PI4K2B: variants seen among roughly 807,000 people sequenced by gnomAD.
PI4K2B encodes phosphatidylinositol 4-kinase type 2-beta.
PI4K2B carries 46 observed loss-of-function variants against 56.6 expected under a neutral mutation model. That is an observed-to-expected ratio of 0.81 (90% CI 0.64 to 1.04). The LOEUF (loss-of-function observed/expected upper bound fraction) is 1.04. Ranked by LOEUF, PI4K2B falls within the 50% of genes least tolerant of loss-of-function variation. The pLI is 0.00. For missense variants in PI4K2B, 556 were observed against 607.7 expected (o/e 0.91, Z 0.89); for synonymous variants, 211 against 223.8 (o/e 0.94, Z 0.51).
intron 9 of PI4K2B, among the ~76,000 whole-genome samples, chr4:25,272,841 C>T (rs924446409): frequency 1.3e-5 from 2 of 150,600 alleles, no homozygotes; most frequent in African/African-American, 4.9e-5. Flanking sequence ...CCAGCCTGGG[C>T]AACAGAGAAA....
Position 25,278,889 on chromosome 4 carries a change from A to C in PI4K2B, c.*1702A>C, listed in dbSNP as rs1004070425. 1 of 152,634 alleles carries C rather than the reference A, an allele frequency of 6.6e-6. No individual in the cohort carries two copies. Among genetic ancestry groups the C allele is most frequent in the Non-Finnish European group, 1.5e-5 (1 of 68,040 alleles). The allele number at this position is 152,634 out of a possible 1,614,324, so 9.5% of individuals were successfully genotyped here. ...TATCATAAAATTAAAATACCATGGT[A>C]ATATTTGCAAAAGGTCTGGCCATAC... On this transcript the variant is annotated 3_prime_UTR_variant, in exon 10 of 10. Coordinates refer to ENST00000264864, the MANE Select transcript of PI4K2B (RefSeq NM_018323.4).
At chr4:25,238,368 A>C (rs1456828859) in intron 1 of PI4K2B, among the ~76,000 whole-genome samples, 1 of 152,236 alleles carries the variant, frequency 6.6e-6, no homozygotes, top group African/African-American at 2.4e-5. Flanking sequence ...TAATTTCATA[A>C]AGGTAGTTCT....
chr4:25,247,591 G>T (rs902689840), intron 1 of PI4K2B, among the ~76,000 whole-genome samples: 1 of 152,254 alleles, frequency 6.6e-6, no homozygotes, highest in East Asian at 1.9e-4. Flanking sequence ...CCATGCCCTA[G>T]ATGTAGGGGC....
Position 25,234,425 on chromosome 4 carries a change from G to A in PI4K2B, c.262G>A (p.Val88Ile). 4.5e-6 allele frequency: 6 copies of A among 1,344,496 alleles called. No homozygotes were observed. Among genetic ancestry groups the A allele is most frequent in the African/African-American group, 3.0e-5 (2 of 65,878 alleles). The allele number at this position is 1,344,496 out of a possible 1,614,324, so 83.3% of individuals were successfully genotyped here. ...CGAGCTGGACCGGAGCCGCCCCGCG[G>A]TTTCAGGTGCGACCCGGCCCTGCCC... is the stretch of plus-strand genomic sequence containing the variant. Reference protein sequence around the residue: ...SAELDRSRPAVSVTIGTSEMN... With the variant: ...SAELDRSRPAISVTIGTSEMN... The change falls in exon 1 of 10, where the codon GTT (valine) becomes ATT (isoleucine). Residue 88 changes from valine to isoleucine, a missense_variant. Physicochemically the swap from Val to Ile is conservative, Grantham distance 29. Transcript: ENST00000264864.
At chr4:25,234,602 C>G (rs946144613) in intron 1 of PI4K2B, among the ~76,000 whole-genome samples, 171 bp downstream of exon 1, 1 of 152,236 alleles carries the variant, frequency 6.6e-6, no homozygotes, top group Admixed American at 6.5e-5. Flanking sequence ...CCGCGGGCAC[C>G]TAGCTTGCTC....
chr4:25,254,656 G>T (rs528940539), intron 2 of PI4K2B, among the ~76,000 whole-genome samples: 1 of 151,906 alleles, frequency 6.6e-6, no homozygotes, highest in Non-Finnish European at 1.5e-5. Context: ...CTCATGATCC[G>T]CCCGCCTCGG....
chr4:25,271,265 A>G (rs772796508), intron 9 of PI4K2B, among the ~76,000 whole-genome samples: 23 of 152,264 alleles, frequency 1.5e-4, no homozygotes, highest in Non-Finnish European at 3.1e-4. Flanking sequence ...GCAGTTAGAA[A>G]TTAAGCATTA....
Position 25,278,610 on chromosome 4 carries a change from C to T in PI4K2B, c.*1423C>T, listed in dbSNP as rs538923371. ...AGGGAGTTCATTGGAAACCTGCGTT[C>T]TCCTACCTCTTCCAACCCTCCATTA... On this transcript the variant is annotated 3_prime_UTR_variant, in exon 10 of 10. Coordinates refer to ENST00000264864, the MANE Select transcript of PI4K2B (RefSeq NM_018323.4). 23 of 152,746 alleles carry T rather than the reference C, an allele frequency of 1.5e-4. No individual in the cohort carries two copies. Among genetic ancestry groups the T allele is most frequent in the African/African-American group, 5.5e-4 (23 of 41,572 alleles). The allele number at this position is 152,746 out of a possible 1,614,324, so 9.5% of individuals were successfully genotyped here.
rs2271390 is a variant in PI4K2B, at chr4:25,256,430, A to G, written c.625-113A>G. 8.8e-5 allele frequency: 87 copies of G among 991,016 alleles called. No homozygotes were observed. The East Asian group carries it at 2.2e-3, about 26-fold the overall frequency. The allele number at this position is 991,016 out of a possible 1,614,324, so 61.4% of individuals were successfully genotyped here. On this transcript the variant is annotated intron_variant, in intron 3 of 9. Coordinates refer to ENST00000264864, the MANE Select transcript of PI4K2B (RefSeq NM_018323.4). ...CTGTTTTAGATTCTCTGGGGCCTTT[A>G]TTACAGGATTAAACTTTGCTAATTT...
At chr4:25,260,879 T>A (rs1716450073) in intron 6 of PI4K2B, among the ~76,000 whole-genome samples, 1 of 149,240 alleles carries the variant, frequency 6.7e-6, no homozygotes, top group African/African-American at 2.4e-5. Context: ...ATTTTTTTTT[T>A]TTTTTTTTTT....
intron 1 of PI4K2B, among the ~76,000 whole-genome samples, chr4:25,237,366 T>C (rs1368708760): frequency 1.3e-5 from 2 of 151,482 alleles, no homozygotes; most frequent in Non-Finnish European, 2.9e-5. Flanking sequence ...TTTTTGGCAG[T>C]GGGTGGCTGT....
At chr4:25,252,120 C>G (rs1716081716) in intron 1 of PI4K2B, among the ~76,000 whole-genome samples, 1 of 151,656 alleles carries the variant, frequency 6.6e-6, no homozygotes, top group Non-Finnish European at 1.5e-5. Context: ...AGCCACTGTG[C>G]CCGCCCCCGC....
rs1267306528 is a variant in PI4K2B at position 25,256,630 on chromosome 4, C to T, written c.712C>T (p.Pro238Ser). The T allele has an allele frequency of 6.2e-7, 1 of 1,613,524 alleles. No homozygotes were observed. Among genetic ancestry groups the T allele is most frequent in the African/African-American group, 1.3e-5 (1 of 74,924 alleles). ...RGKKYALEKV[P>S]KVGRKFHRIG... ...CAAAAAGTATGCTTTAGAAAAAGTG[C>T]CAAAAGTGGGTAGAAAGTTTCATAG... Residue 238 changes from proline to serine, a missense_variant, in exon 4 of 10, where the codon CCA (proline) becomes TCA (serine). Transcript: ENST00000264864.
Position 25,270,386 on chromosome 4 carries a change from C to T in PI4K2B, c.1272+1183C>T, listed in dbSNP as rs185776163. ...TTTGAGACAGACTCTTGCCCTGTCGCCCAGGCTGGAGTGCAATGGTGCGAT... is the reference window on the plus strand; with the variant it reads ...TTTGAGACAGACTCTTGCCCTGTCGTCCAGGCTGGAGTGCAATGGTGCGAT... On this transcript the variant is annotated intron_variant, in intron 9 of 9. Transcript: ENST00000264864. Among the ~76,000 whole-genome samples, 567 of 151,902 alleles carry T rather than the reference C, an allele frequency of 3.7e-3. 3 individuals are homozygous for T. The highest frequency in any genetic ancestry group is 0.02 in the Middle Eastern group (6 of 294).
At chr4:25,238,630 G>C (rs1027511606) in intron 1 of PI4K2B, among the ~76,000 whole-genome samples, 1 of 152,114 alleles carries the variant, frequency 6.6e-6, no homozygotes. Flanking sequence ...CCTTCACGGT[G>C]AGAGTTATGG....
At chr4:25,250,518 C>T (rs1411783159) in intron 1 of PI4K2B, 1 of 152,062 alleles carries the variant, frequency 6.6e-6, no homozygotes, top group African/African-American at 2.4e-5. Context: ...CTAGTGATTA[C>T]CTGGGTGATT....
At position 25,237,772 on chromosome 4, in the gene PI4K2B, G is replaced by A. The variant is rs535825603; in HGVS notation, c.268+3341G>A. 9.8e-5 allele frequency among the ~76,000 whole-genome samples: 15 copies of A among 152,302 alleles called. No individual in the cohort carries two copies. In the South Asian group the frequency reaches 1.2e-3, roughly 13 times the overall value. ...GCACACCTGTAGTCCAAGCTACTCA[G>A]GAGACCGAGGCAGGAGGATTGCTTG... On this transcript the variant is annotated intron_variant, in intron 1 of 9. Coordinates refer to ENST00000264864, the MANE Select transcript of PI4K2B (RefSeq NM_018323.4).
chr4:25,276,712 G>C (rs902477086), intron 9 of PI4K2B: 23 of 985,018 alleles, frequency 2.3e-5, no homozygotes, highest in Admixed American at 6.2e-5. Flanking sequence ...TTCACTTACC[G>C]TTCTTTGATT....
At chr4:25,245,996 T>A (rs912507780) in intron 1 of PI4K2B, among the ~76,000 whole-genome samples, 5 of 152,122 alleles carry the variant, frequency 3.3e-5, no homozygotes, top group Non-Finnish European at 7.3e-5. Flanking sequence ...TTACAGTTCT[T>A]AAACGCAGTG....
Sources: allele counts gnomAD v4.1 joint callset (sites outside exome capture counted in the v4.1 genomes callset), GRCh38; gene constraint gnomAD v4.1.1; transcripts MANE v1.5; gene names NCBI Gene and HGNC (gene_info 2026-07-23, HGNC 2026-07-21).